Variants in PDIA5 observed in about 807,000 individuals in gnomAD.
PDIA5 encodes the protein protein disulfide isomerase family A member 5.
A neutral mutation model predicts 77.6 loss-of-function variants in PDIA5; 58 were observed. The ratio of observed to expected loss-of-function variants is 0.75; its 90% CI spans 0.61 to 0.93. The LOEUF is 0.93. Among genes scored for constraint, PDIA5 ranks in the 40% least tolerant of loss-of-function variants. The pLI, the probability that PDIA5 is intolerant of heterozygous loss-of-function variation, is 0.00. For missense variants in PDIA5, 630 were observed against 647.7 expected, an observed-to-expected ratio of 0.97 and a Z score of 0.30; for synonymous variants, 250 against 252.1, an observed-to-expected ratio of 0.99 and a Z score of 0.08.
chr3:123,124,415 A>T (rs1935195905), intron 10 of PDIA5, 72 bp downstream of exon 10: 3 of 1,076,456 alleles, frequency 2.8e-6, no homozygotes, highest in Non-Finnish European at 4.4e-6. Context: ...TGAGGGTCGC[A>T]GGGCTCTGGC....
At chr3:123,128,538 G>C (rs987359225) in intron 10 of PDIA5, among the ~76,000 whole-genome samples, 8 of 151,708 alleles carry the variant, frequency 5.3e-5, no homozygotes, top group Non-Finnish European at 1.2e-4. Flanking sequence ...ATAAGGTCTT[G>C]CTCTGTCACC....
At chr3:123,161,175 G>A in intron 15 of PDIA5, 146 bp from the exon 16 acceptor site, 1 of 771,336 alleles carries the variant, frequency 1.3e-6, no homozygotes, top group South Asian at 1.8e-5. Flanking sequence ...CCTGAGCTGG[G>A]GGTGCTTTGG....
chr3:123,140,112 A>G (rs1935590568), intron 11 of PDIA5, among the ~76,000 whole-genome samples: 1 of 152,202 alleles, frequency 6.6e-6, no homozygotes, highest in African/African-American at 2.4e-5. Context: ...TAAGCCGCAT[A>G]CAGACCTGGG....
intron 8 of PDIA5, among the ~76,000 whole-genome samples, chr3:123,123,263 C>A (rs1344890349): frequency 1.3e-5 from 2 of 152,166 alleles, no homozygotes; most frequent in African/African-American, 4.8e-5. Flanking sequence ...TAGGGGATTC[C>A]TTATATGAGT....
At chr3:123,136,449 G>T (rs1331120251) in intron 11 of PDIA5, among the ~76,000 whole-genome samples, 1 of 152,108 alleles carries the variant, frequency 6.6e-6, no homozygotes, top group Non-Finnish European at 1.5e-5. Context: ...TAAACAACAG[G>T]GGGTTGGTTG....
At chr3:123,072,988 G>A (rs975948273) in intron 1 of PDIA5, among the ~76,000 whole-genome samples, 3 of 150,532 alleles carry the variant, frequency 2.0e-5, no homozygotes, top group South Asian at 2.1e-4. Flanking sequence ...AGGTCCCAAC[G>A]GGAGAGGGAA....
chr3:123,089,732 G>C (rs1934236205), intron 2 of PDIA5, among the ~76,000 whole-genome samples: 1 of 152,260 alleles, frequency 6.6e-6, no homozygotes, highest in Admixed American at 6.5e-5. Flanking sequence ...AGGCTTGGAA[G>C]TACTCACCCC....
At chr3:123,115,273 G>T (rs1934968560) in intron 7 of PDIA5, among the ~76,000 whole-genome samples, 1 of 152,224 alleles carries the variant, frequency 6.6e-6, no homozygotes, top group African/African-American at 2.4e-5. Context: ...AACTGCTCAT[G>T]TCCTGTGGGA....
chr3:123,100,397 C>G (rs1934555266), intron 3 of PDIA5, among the ~76,000 whole-genome samples: 1 of 152,242 alleles, frequency 6.6e-6, no homozygotes, highest in Non-Finnish European at 1.5e-5. Flanking sequence ...CCTGGGCTGC[C>G]TTCTCCATTT....
intron 7 of PDIA5, among the ~76,000 whole-genome samples, chr3:123,114,240 A>G (rs1414318809): frequency 2.6e-5 from 4 of 152,194 alleles, no homozygotes; most frequent in Non-Finnish European, 5.9e-5. Flanking sequence ...TGGGGGTCAG[A>G]CTGAAGTCAC....
At chr3:123,068,752 A>G (rs1030773211) in intron 1 of PDIA5, among the ~76,000 whole-genome samples, 1 of 152,130 alleles carries the variant, frequency 6.6e-6, no homozygotes, top group African/African-American at 2.4e-5. Context: ...AGAGCAAAAC[A>G]CACATTGTAC....
chr3:123,110,433 G>A (rs1181975687), intron 6 of PDIA5, among the ~76,000 whole-genome samples: 2 of 152,090 alleles, frequency 1.3e-5, no homozygotes, highest in Non-Finnish European at 2.9e-5. Flanking sequence ...GAGATTAGTG[G>A]GTATGGGTTA....
At chr3:123,133,496 A>G (rs929675648) in intron 11 of PDIA5, among the ~76,000 whole-genome samples, 1 of 152,220 alleles carries the variant, frequency 6.6e-6, no homozygotes, top group African/African-American at 2.4e-5. Context: ...TTGATGAATT[A>G]GCGTGTCTTT....
chr3:123,067,074 T>A lies in PDIA5; in HGVS notation c.-91T>A. 1 of 1,055,044 alleles carries A rather than the reference T, an allele frequency of 9.5e-7. No homozygotes were observed. Among genetic ancestry groups the A allele is most frequent in the South Asian group, 4.6e-5 (1 of 21,746 alleles). 65.4% of individuals were successfully genotyped at this position (1,055,044 alleles called of 1,614,324 possible). A position where few individuals can be genotyped will look rare whatever the true frequency, so the allele number is the denominator to read the frequency against. On this transcript the variant is annotated 5_prime_UTR_variant, in exon 1 of 17. Coordinates refer to ENST00000316218, the MANE Select transcript of PDIA5 (RefSeq NM_006810.4). ...GCGGGGAGCGGCTGGGAAGTGGCCG[T>A]GGTGGTTGGCCGCGGTGGAGCTAGC...
chr3:123,090,425 G>A (rs1013494199), intron 2 of PDIA5, among the ~76,000 whole-genome samples: 10 of 152,312 alleles, frequency 6.6e-5, no homozygotes, highest in Middle Eastern at 3.4e-3. Context: ...CTTCCCTAGG[G>A]TAGATCCCAT....
chr3:123,107,830 G>T (rs180765250), intron 6 of PDIA5, among the ~76,000 whole-genome samples: 1 of 151,962 alleles, frequency 6.6e-6, no homozygotes, highest in Non-Finnish European at 1.5e-5. Flanking sequence ...ACAGGATCTC[G>T]CTCTGTCACC....
At chr3:123,113,995 G>A (rs541682162) in intron 7 of PDIA5, among the ~76,000 whole-genome samples, 78 of 152,204 alleles carry the variant, frequency 5.1e-4, no homozygotes, top group Admixed American at 1.2e-3. Flanking sequence ...TTTTGGTAAA[G>A]TTAAATTGGA....
At position 123,152,726 on chromosome 3, in the gene PDIA5, C is replaced by T. The variant is rs556467203; in HGVS notation, c.1274-2245C>T. Among the ~76,000 whole-genome samples, 8 of 152,282 alleles carry T rather than the reference C, an allele frequency of 5.3e-5. No individual in the cohort carries two copies. The South Asian group carries it at 1.2e-3, about 24-fold the overall frequency. ...CCTCCCCTCACATCTCTCCACCTCC[C>T]ACATCCCTTCTCCCACCATGTCTGC... On this transcript the variant is annotated intron_variant, in intron 14 of 16. Coordinates refer to ENST00000316218, the MANE Select transcript of PDIA5 (RefSeq NM_006810.4).
At chr3:123,105,799 G>A (rs920215503) in intron 5 of PDIA5, among the ~76,000 whole-genome samples, 1 of 152,004 alleles carries the variant, frequency 6.6e-6, no homozygotes, top group African/African-American at 2.4e-5. Context: ...GCTGGAGCGT[G>A]GTCAAAGTTG....
Sources: gnomAD v4.1 joint callset for allele counts (sites outside exome capture counted in the v4.1 genomes callset) on GRCh38, gnomAD v4.1.1 for gene constraint, MANE v1.5 for transcripts, NCBI Gene and HGNC (gene_info 2026-07-23, HGNC 2026-07-21) for gene names.